The following CMIP variants were observed in gnomAD, a reference collection of about 807,000 sequenced individuals.
The protein encoded by CMIP is c-Maf inducing protein, also known as C-Maf-inducing protein.
A neutral mutation model predicts 97.3 loss-of-function variants in CMIP; 13 were observed. That is an observed-to-expected ratio of 0.13 (90% CI 0.09 to 0.21). CMIP has a LOEUF of 0.21. Among genes scored for constraint, CMIP ranks in the 10% least tolerant of loss-of-function variants. The pLI, the probability that CMIP is intolerant of heterozygous loss-of-function variation, is 1.00. For synonymous variants in CMIP, 538 were observed against 436.3 expected, an observed-to-expected ratio of 1.23 and a Z score of -2.91; for missense variants, 847 against 1,024.9, an observed-to-expected ratio of 0.83 and a Z score of 2.37.
intron 1 of CMIP, among the ~76,000 whole-genome samples, chr16:81,606,632 A>T (rs1286119162): frequency 6.6e-6 from 1 of 152,194 alleles, no homozygotes; most frequent in East Asian, 1.9e-4. Flanking sequence ...ACTTGCCATG[A>T]GCCAGGCACT....
intron 1 of CMIP, among the ~76,000 whole-genome samples, chr16:81,583,595 A>C (rs958784216): frequency 2.6e-5 from 4 of 152,194 alleles, no homozygotes; most frequent in Admixed American, 1.3e-4. Context: ...CTGAGTCCCA[A>C]GAGAAGACCC....
chr16:81,477,720 G>A (rs115116482), intron 1 of CMIP, among the ~76,000 whole-genome samples: 39 of 152,348 alleles, frequency 2.6e-4, no homozygotes, highest in African/African-American at 8.9e-4. Context: ...GAGGGTTGCC[G>A]TGGCTGGCCT....
chr16:81,523,539 C>T (rs575269092), intron 1 of CMIP, among the ~76,000 whole-genome samples: 8 of 152,292 alleles, frequency 5.3e-5, no homozygotes, highest in South Asian at 2.1e-4. Context: ...ACCTGGGCCC[C>T]GGCCAAGCAA....
At chr16:81,674,529 A>G (rs983435080) in intron 9 of CMIP, among the ~76,000 whole-genome samples, 1 of 152,206 alleles carries the variant, frequency 6.6e-6, no homozygotes, top group African/African-American at 2.4e-5. Context: ...TCATATTGAT[A>G]GCTTGAAGTA....
chr16:81,703,235 C>G (rs534758253), intron 17 of CMIP, among the ~76,000 whole-genome samples: 49 of 152,188 alleles, frequency 3.2e-4, no homozygotes, highest in African/African-American at 1.1e-3. Context: ...TACTTACATC[C>G]CATTTTCCAG....
intron 7 of CMIP, chr16:81,666,203 G>C (rs1006894440): frequency 3.3e-5 from 5 of 152,228 alleles, no homozygotes; most frequent in Non-Finnish European, 7.3e-5. Context: ...CACTACGGGT[G>C]TAGTGTATGG....
chr16:81,625,823 G>T (rs1597161181), intron 3 of CMIP, among the ~76,000 whole-genome samples: 4 of 152,332 alleles, frequency 2.6e-5, no homozygotes, highest in Admixed American at 2.0e-4. Context: ...CCTGAGAGGG[G>T]TTCCTCAGGC....
At chr16:81,535,737 C>G (rs2090330401) in intron 1 of CMIP, among the ~76,000 whole-genome samples, 2 of 152,124 alleles carry the variant, frequency 1.3e-5, no homozygotes, top group Admixed American at 1.3e-4. Flanking sequence ...CACTCGTTTA[C>G]AGATGTTGGA....
At chr16:81,645,347 C>T (rs2092352244) in intron 3 of CMIP, 14 of 1,399,552 alleles carry the variant, frequency 1.0e-5, no homozygotes, top group Middle Eastern at 2.0e-4. Context: ...GGGGAGCATG[C>T]GTGCTTGGGT....
At position 81,540,606 on chromosome 16, in the gene CMIP, C is replaced by T. The variant is rs575650129; in HGVS notation, c.301-66961C>T. ...GCGTGAGCCACTGCACCTGGCCTGGCCTCTTCTTTGAAGCCAGTTAAATGT... is the reference window on the plus strand; with the variant it reads ...GCGTGAGCCACTGCACCTGGCCTGGTCTCTTCTTTGAAGCCAGTTAAATGT... On this transcript the variant is annotated intron_variant, in intron 1 of 20. Transcript: ENST00000537098. Among the ~76,000 whole-genome samples, 15 of 150,018 alleles carry T rather than the reference C, an allele frequency of 1.0e-4. No individual in the cohort carries two copies. In the South Asian group the frequency reaches 1.1e-3, roughly 11 times the overall value.
chr16:81,590,301 A>C (rs950690663), intron 1 of CMIP, among the ~76,000 whole-genome samples: 4 of 152,046 alleles, frequency 2.6e-5, no homozygotes, highest in Non-Finnish European at 2.9e-5. Flanking sequence ...ATTCTCTTGA[A>C]GGCTGTGTTG....
At chr16:81,624,764 C>G (rs1426244961) in intron 3 of CMIP, among the ~76,000 whole-genome samples, 1 of 152,194 alleles carries the variant, frequency 6.6e-6, no homozygotes, top group Admixed American at 6.5e-5. Flanking sequence ...TGGGGACAGT[C>G]ATGATAACAG....
At chr16:81,568,047 T>TTG (rs2091015680) in intron 1 of CMIP, among the ~76,000 whole-genome samples, 2 of 147,578 alleles carry the variant, frequency 1.4e-5, no homozygotes, top group African/African-American at 2.5e-5. Context: ...GTGTTTTTTT[T>TTG]TTTTTTTTTT....
chr16:81,456,491 A>G (rs1906554864), intron 1 of CMIP, among the ~76,000 whole-genome samples: 1 of 152,194 alleles, frequency 6.6e-6, no homozygotes, highest in Non-Finnish European at 1.5e-5. Context: ...AGGCAACAGT[A>G]AGGATAGTGA....
chr16:81,536,184 C>T (rs561674985), intron 1 of CMIP, among the ~76,000 whole-genome samples: 3 of 152,320 alleles, frequency 2.0e-5, no homozygotes, highest in South Asian at 2.1e-4. Flanking sequence ...TAAAATTTCA[C>T]GAGGAGAGGC....
chr16:81,614,404 C>T lies in CMIP; in HGVS notation c.427-6472C>T, dbSNP rs1466452386. 2.6e-5 allele frequency among the ~76,000 whole-genome samples: 4 copies of T among 152,288 alleles called. No individual in the cohort carries two copies. The highest frequency in any genetic ancestry group is 3.9e-4 in the East Asian group (2 of 5,188). On this transcript the variant is annotated intron_variant, in intron 2 of 20. Coordinates refer to ENST00000537098, the MANE Select transcript of CMIP (RefSeq NM_198390.3). The surrounding 1 kb of genome is among the most constrained non-coding windows in gnomAD (Gnocchi z 5.3). ...CTCAGGGGCTCCCACGCGCGGGCCA[C>T]GGGTCACTTCAGCATGACATCAGCT...
intron 1 of CMIP, among the ~76,000 whole-genome samples, chr16:81,577,090 A>G (rs577342834): frequency 7.1e-6 from 1 of 141,398 alleles, no homozygotes; most frequent in East Asian, 2.0e-4. Context: ...CATTACCACT[A>G]CATTATTATC....
chr16:81,457,561 T>C (rs932193464), intron 1 of CMIP, among the ~76,000 whole-genome samples: 11 of 152,296 alleles, frequency 7.2e-5, no homozygotes, highest in Non-Finnish European at 1.0e-4. Context: ...CCCACAGTTG[T>C]AACAACCCGT....
chr16:81,576,126 A>T (rs936772640), intron 1 of CMIP, among the ~76,000 whole-genome samples: 4 of 152,162 alleles, frequency 2.6e-5, no homozygotes, highest in African/African-American at 9.7e-5. Flanking sequence ...GAATGCGTCT[A>T]GGCGCAGTGG....
Sources: gnomAD v4.1 joint callset for allele counts (sites outside exome capture counted in the v4.1 genomes callset) on GRCh38, gnomAD v4.1.1 for gene constraint, Gnocchi (gnomAD v3.1) non-coding constraint, MANE v1.5 for transcripts, NCBI Gene and HGNC (gene_info 2026-07-23, HGNC 2026-07-21) for gene names.